The following ANKRD28 variants were observed in gnomAD, a reference collection of about 807,000 sequenced individuals.
ANKRD28 encodes ankyrin repeat domain 28.
ANKRD28 carries 44 observed loss-of-function variants against 126.5 expected under a neutral mutation model. That is an observed-to-expected ratio of 0.35 (90% CI 0.27 to 0.45). The LOEUF (loss-of-function observed/expected upper bound fraction) is 0.45, where lower values mean the gene tolerates loss of function less well. Among genes scored for constraint, ANKRD28 ranks in the 20% least tolerant of loss-of-function variants. ANKRD28 has a pLI of 1.00. For missense variants in ANKRD28, 1,110 were observed against 1,316.6 expected (o/e 0.84, Z 2.43); for synonymous variants, 442 against 468.5 (o/e 0.94, Z 0.73).
chr3:15,707,716 G>C (rs2071646613), intron 14 of ANKRD28, among the ~76,000 whole-genome samples: 1 of 152,206 alleles, frequency 6.6e-6, no homozygotes, highest in African/African-American at 2.4e-5. Context: ...CACCAGATCA[G>C]CTAGTAAGGC....
chr3:15,768,372 G>A (rs2058844269), intron 2 of ANKRD28, among the ~76,000 whole-genome samples: 1 of 152,200 alleles, frequency 6.6e-6, no homozygotes, highest in Non-Finnish European at 1.5e-5. Flanking sequence ...GCTGTAGTAT[G>A]TGATGTTATT....
intron 3 of ANKRD28, among the ~76,000 whole-genome samples, chr3:15,759,682 A>G (rs1028870854): frequency 2.6e-5 from 4 of 152,222 alleles, no homozygotes; most frequent in Admixed American, 6.5e-5. Context: ...ACAATAAGGA[A>G]ACAGTTACAA....
chr3:15,733,182 A>G (rs2074773685), intron 6 of ANKRD28: 1 of 152,212 alleles, frequency 6.6e-6, no homozygotes, highest in Non-Finnish European at 1.5e-5. Context: ...AACAAAAACA[A>G]AAACACATCT....
rs1200984025 is a variant in ANKRD28, at chr3:15,838,999, C to G, written c.27+20378G>C. 6.6e-6 allele frequency among the ~76,000 whole-genome samples: 1 copy of G among 152,094 alleles called. No individual in the cohort carries two copies. Among genetic ancestry groups the G allele is most frequent in the East Asian group, 1.9e-4 (1 of 5,180 alleles). ...AACATTTATACCAAATTTTTAAAAG[C>G]CAGACAAAAAATGATCACGTATCAT... On this transcript the variant is annotated intron_variant, in intron 1 of 27. Coordinates refer to the ANKRD28 transcript ENST00000399451. The surrounding 1 kb of genome is among the most constrained non-coding windows in gnomAD (Gnocchi z 4.0).
chr3:15,774,225 G>C (rs1014874738), intron 2 of ANKRD28, among the ~76,000 whole-genome samples: 5 of 152,108 alleles, frequency 3.3e-5, no homozygotes, highest in African/African-American at 1.2e-4. Flanking sequence ...GCTCTTAGAT[G>C]CAATACCAAA....
At chr3:15,771,834 T>C (rs532013941) in intron 2 of ANKRD28, among the ~76,000 whole-genome samples, 1 of 152,316 alleles carries the variant, frequency 6.6e-6, no homozygotes, top group Admixed American at 6.5e-5. Flanking sequence ...AGCAAAATCA[T>C]ACTAAGTATG....
rs144670497 is a variant in ANKRD28 at position 15,825,372 on chromosome 3, T to C, written c.28-30066A>G. ...AATTAAATCCATAATCTCAATGGAA[T>C]ATCAGTGATGCTCAACAGTTTTCAT... On this transcript the variant is annotated intron_variant, in intron 1 of 27. Transcript: ENST00000399451. Among the ~76,000 whole-genome samples, 3 of 152,336 alleles carry C rather than the reference T, an allele frequency of 2.0e-5. No homozygotes were observed. In the South Asian group the frequency reaches 6.2e-4, roughly 32 times the overall value.
intron 8 of ANKRD28, among the ~76,000 whole-genome samples, chr3:15,715,176 G>T (rs544263689): frequency 6.6e-6 from 1 of 152,230 alleles, no homozygotes; most frequent in South Asian, 2.1e-4. Context: ...AGTTCTAAAG[G>T]AGTTCCAAAT....
intron 6 of ANKRD28, among the ~76,000 whole-genome samples, chr3:15,729,842 T>C (rs150860057): frequency 1.3e-5 from 2 of 152,304 alleles, no homozygotes; most frequent in East Asian, 1.9e-4. Flanking sequence ...TACTATTATG[T>C]TTCTAGAAAA....
At chr3:15,749,284 G>A (rs960505884) in intron 4 of ANKRD28, among the ~76,000 whole-genome samples, 1 of 149,448 alleles carries the variant, frequency 6.7e-6, no homozygotes, top group Non-Finnish European at 1.5e-5. Flanking sequence ...CTAATTTTTT[G>A]TATTTTTTTA....
At position 15,738,426 on chromosome 3, in the gene ANKRD28, G is replaced by A. The variant is rs544732595; in HGVS notation, c.352-1193C>T. 18 of 152,318 alleles carry A rather than the reference G, an allele frequency of 1.2e-4. No homozygotes were observed. In the East Asian group the frequency reaches 3.3e-3, roughly 28 times the overall value. 9.4% of individuals were successfully genotyped at this position (152,318 alleles called of 1,614,324 possible). A position where few individuals can be genotyped will look rare whatever the true frequency, so the allele number is the denominator to read the frequency against. ...AATATTACAAGGCAAATGGAGGCAG[G>A]GCGAGATCACAGGACCAGGTGAAAT... On this transcript the variant is annotated intron_variant, in intron 4 of 27. Coordinates refer to ENST00000683139, the MANE Select transcript of ANKRD28 (RefSeq NM_001349278.2).
chr3:15,799,437 T>C (rs2060412157), upstream of ANKRD28, among the ~76,000 whole-genome samples: 3 of 152,044 alleles, frequency 2.0e-5, no homozygotes, highest in African/African-American at 7.2e-5. Flanking sequence ...TCTAACATAT[T>C]TGTACCAATT....
At chr3:15,707,258 G>GA (rs61116421) in intron 14 of ANKRD28, among the ~76,000 whole-genome samples, 4 of 150,454 alleles carry the variant, frequency 2.7e-5, no homozygotes, top group Admixed American at 6.6e-5. Flanking sequence ...CGTGCAAGAA[G>GA]AAAAAAAAAA....
intron 18 of ANKRD28, 136 bp from the exon 19 acceptor site, chr3:15,686,445 G>A (rs2068139397): frequency 2.8e-6 from 2 of 706,536 alleles, no homozygotes; most frequent in Non-Finnish European, 4.7e-6. Flanking sequence ...GAAAACTATA[G>A]GTAAAAAGAA....
intron 1 of ANKRD28, among the ~76,000 whole-genome samples, chr3:15,806,376 C>G (rs1363161307): frequency 6.6e-6 from 1 of 152,128 alleles, no homozygotes; most frequent in Non-Finnish European, 1.5e-5. Context: ...TTTTGTGTGT[C>G]TGTGTTTTAC....
chr3:15,793,354 C>T (rs920555973), intron 2 of ANKRD28, among the ~76,000 whole-genome samples: 3 of 152,092 alleles, frequency 2.0e-5, no homozygotes, highest in Non-Finnish European at 2.9e-5. Context: ...GAGAAAAGGC[C>T]TAAAAGCAAT....
At chr3:15,850,224 T>TATATATATATAGAGAGAGAG (rs1418223588) in intron 1 of ANKRD28, among the ~76,000 whole-genome samples, 45 of 35,092 alleles carry the variant, frequency 1.3e-3, no homozygotes, top group Non-Finnish European at 1.9e-3. Context: ...TATATATATA[T>TATATATATATAGAGAGAGAG]AGAGAGAGAG....
chr3:15,670,784 G>C (rs2066257194), intron 27 of ANKRD28, among the ~76,000 whole-genome samples: 2 of 152,196 alleles, frequency 1.3e-5, no homozygotes, highest in Admixed American at 1.3e-4. Context: ...AGAGGAAGCA[G>C]GCCCAGAGAA....
At chr3:15,841,580 C>T (rs1159028720) in intron 1 of ANKRD28, among the ~76,000 whole-genome samples, 1 of 151,756 alleles carries the variant, frequency 6.6e-6, no homozygotes, top group Admixed American at 6.6e-5. Flanking sequence ...AACAAATGTA[C>T]AGAAAAAAAA....
Sources: gnomAD v4.1 joint callset for allele counts (sites outside exome capture counted in the v4.1 genomes callset) on GRCh38, gnomAD v4.1.1 for gene constraint, Gnocchi (gnomAD v3.1) non-coding constraint, MANE v1.5 for transcripts, NCBI Gene and HGNC (gene_info 2026-07-23, HGNC 2026-07-21) for gene names.